ANXA6: variants seen among roughly 807,000 people sequenced by gnomAD.
The protein encoded by ANXA6 is annexin A6.
A neutral mutation model predicts 95.4 loss-of-function variants in ANXA6; 71 were observed. That is an observed-to-expected ratio of 0.74 (90% CI 0.61 to 0.91). The LOEUF (loss-of-function observed/expected upper bound fraction) is 0.91, where lower values mean the gene tolerates loss of function less well. Ranked by LOEUF, ANXA6 falls within the 40% of genes least tolerant of loss-of-function variation. ANXA6 has a pLI of 0.00. For missense variants in ANXA6, 830 were observed against 876.4 expected (o/e 0.95, Z 0.67); for synonymous variants, 289 against 315.9 (o/e 0.91, Z 0.90).
intron 19 of ANXA6, 95 bp downstream of exon 19, chr5:151,117,663 C>A: frequency 9.0e-7 from 1 of 1,108,326 alleles, no homozygotes; most frequent in Non-Finnish European, 1.3e-6. Flanking sequence ...CAGGAGTGCA[C>A]TTCTAACTCC....
intron 2 of ANXA6, among the ~76,000 whole-genome samples, chr5:151,145,980 C>T (rs1201866046): frequency 2.0e-5 from 3 of 152,100 alleles, no homozygotes; most frequent in African/African-American, 7.2e-5. Context: ...CCTGCATGCC[C>T]CAGAGCTCCT....
chr5:151,132,372 C>T (rs1184955615), intron 10 of ANXA6, 104 bp downstream of exon 10: 2 of 887,624 alleles, frequency 2.3e-6, no homozygotes, highest in Non-Finnish European at 1.7e-6. Context: ...TTCTCCTTCC[C>T]AATTCTATAC....
rs1765045404 is a variant in ANXA6, at chr5:151,117,794, A to C, written c.1482T>G (p.Ser494=). 1 of 1,613,740 alleles carries C rather than the reference A, an allele frequency of 6.2e-7. No homozygotes were observed. The highest frequency in any genetic ancestry group is 8.5e-7 in the Non-Finnish European group (1 of 1,179,820). The change falls in exon 19 of 26, where the codon TCT becomes TCG. Residue 494 remains serine (S), a synonymous_variant. Coordinates refer to ENST00000354546, the MANE Select transcript of ANXA6 (RefSeq NM_001155.5). ...SLEDALSSDT[S]GHFRRILISL... ...AAATGAGGATCCTCCTGAAGTGGCCAGATGTGTCTGAGCTCAGAGCATCCT... is the reference window on the plus strand; with the variant it reads ...AAATGAGGATCCTCCTGAAGTGGCCCGATGTGTCTGAGCTCAGAGCATCCT...
intron 7 of ANXA6, among the ~76,000 whole-genome samples, chr5:151,134,871 G>A (rs1045108786): frequency 6.6e-6 from 1 of 152,098 alleles, no homozygotes; most frequent in Non-Finnish European, 1.5e-5. Context: ...GATTCCACAG[G>A]GGCAAAGGAT....
At chr5:151,120,416 C>CAA (rs35091535) in intron 17 of ANXA6, among the ~76,000 whole-genome samples, 1,994 of 131,924 alleles carry the variant, frequency 0.015, 22 homozygotes, top group Middle Eastern at 0.038. Flanking sequence ...GCTACAACTA[C>CAA]AAAAAAAAAA....
At chr5:151,117,720 G>C (rs372671091) in intron 19 of ANXA6, 38 bp downstream of exon 19, 138 of 1,575,778 alleles carry the variant, frequency 8.8e-5, no homozygotes, top group Admixed American at 5.1e-4. Context: ...CAGGCCTCCC[G>C]ATGGGCAAGC....
At chr5:151,126,127 C>A (rs1243390098) in intron 14 of ANXA6, among the ~76,000 whole-genome samples, 2 of 152,190 alleles carry the variant, frequency 1.3e-5, no homozygotes, top group Admixed American at 6.5e-5. Context: ...CCAGACGGGA[C>A]AGGCCCCTCC....
At chr5:151,147,195 A>G (rs1765995728) in intron 2 of ANXA6, among the ~76,000 whole-genome samples, 1 of 152,244 alleles carries the variant, frequency 6.6e-6, no homozygotes, top group Admixed American at 6.5e-5. Context: ...ACAGTCAGAC[A>G]TGAGAGACTG....
At chr5:151,146,498 A>G (rs1013031864) in intron 2 of ANXA6, among the ~76,000 whole-genome samples, 1 of 152,188 alleles carries the variant, frequency 6.6e-6, no homozygotes, top group Non-Finnish European at 1.5e-5. Flanking sequence ...CTATAAGCCC[A>G]GGTTCACTGG....
chr5:151,149,590 G>A lies in ANXA6; in HGVS notation c.-25-1664C>T, dbSNP rs558892619. ...CAACCTCCACCTCCCGGGTTCAAGCGATTCTCCTGCCTCAGCCTCCTGAGT... is the reference window on the plus strand; with the variant it reads ...CAACCTCCACCTCCCGGGTTCAAGCAATTCTCCTGCCTCAGCCTCCTGAGT... On this transcript the variant is annotated intron_variant, in intron 1 of 25. Coordinates refer to ENST00000354546, the MANE Select transcript of ANXA6 (RefSeq NM_001155.5). Among the ~76,000 whole-genome samples, 7 of 152,176 alleles carry A rather than the reference G, an allele frequency of 4.6e-5. No individual in the cohort carries two copies. The South Asian group carries it at 1.0e-3, about 23-fold the overall frequency.
intron 16 of ANXA6, 28 bp from the exon 17 acceptor site, chr5:151,122,288 C>A: frequency 2.2e-6 from 3 of 1,394,094 alleles, no homozygotes; most frequent in African/African-American, 1.4e-5. Context: ...ACAGTCATGC[C>A]AACATCAGCA....
At chr5:151,147,378 G>A (rs566566509) in intron 2 of ANXA6, among the ~76,000 whole-genome samples, 1 of 152,336 alleles carries the variant, frequency 6.6e-6, no homozygotes, top group African/African-American at 2.4e-5. Context: ...CTTGCTCCAA[G>A]AAAGAACAGG....
chr5:151,117,218 A>T, intron 19 of ANXA6, 38 bp from the exon 20 acceptor site: 7 of 1,556,290 alleles, frequency 4.5e-6, no homozygotes, highest in Non-Finnish European at 6.1e-6. Context: ...GTCCCCAAAC[A>T]TCGACCCATC....
intron 2 of ANXA6, among the ~76,000 whole-genome samples, chr5:151,146,022 G>C (rs1765966922): frequency 6.6e-6 from 1 of 152,078 alleles, no homozygotes; most frequent in Non-Finnish European, 1.5e-5. Context: ...GTGCATGGAG[G>C]GTGCCAACTC....
chr5:151,138,060 T>C (rs543671694), intron 5 of ANXA6, among the ~76,000 whole-genome samples: 1 of 152,292 alleles, frequency 6.6e-6, no homozygotes, highest in South Asian at 2.1e-4. Flanking sequence ...GCTAAGTGCA[T>C]CAGTTTATAA....
At position 151,129,528 on chromosome 5, in the gene ANXA6, C is replaced by T; in HGVS notation, c.797G>A (p.Gly266Asp). 1 of 1,600,262 alleles carries T rather than the reference C, an allele frequency of 6.2e-7. No individual in the cohort carries two copies. The highest frequency in any genetic ancestry group is 8.5e-7 in the Non-Finnish European group (1 of 1,173,392). The stretch of plus-strand genomic sequence containing the variant: ...CAGGGTGTTGTCCCGAGTCCCCAGG[C>T]CCTGCAAGACAAGTGGGTTTGGGGA... ...FAERLFKAMK[G>D]LGTRDNTLIR... The change falls in exon 12 of 26, where the codon GGC becomes GAC. Residue 266 changes from glycine (G) to aspartate (D), a missense_variant and splice_region_variant. By Grantham distance (94) the Gly-to-Asp change is moderately conservative (BLOSUM62 -1). Coordinates refer to ENST00000354546, the MANE Select transcript of ANXA6 (RefSeq NM_001155.5).
rs144450532 is a variant in ANXA6 at position 151,107,696 on chromosome 5, T to A, written c.1780+759A>T. ...AACAAGATACCACTAATGATGAATA[T>A]TAATGAGAATAACTTCAGCCCTAAC... On this transcript the variant is annotated intron_variant, in intron 23 of 25. Transcript: ENST00000354546. Among the ~76,000 whole-genome samples, 16 of 152,344 alleles carry A rather than the reference T, an allele frequency of 1.1e-4. No individual in the cohort carries two copies. In the East Asian group the frequency reaches 3.1e-3, roughly 29 times the overall value.
At chr5:151,135,560 C>G (rs1248149277) in intron 7 of ANXA6, among the ~76,000 whole-genome samples, 2 of 152,218 alleles carry the variant, frequency 1.3e-5, no homozygotes, top group Admixed American at 1.3e-4. Flanking sequence ...TGAGACATCT[C>G]AATGCCTGTT....
chr5:151,132,604 A>T (rs1765546842), intron 9 of ANXA6, 33 bp from the exon 10 acceptor site: 2 of 1,579,728 alleles, frequency 1.3e-6, no homozygotes, highest in East Asian at 4.5e-5. Flanking sequence ...GAGGTTTGAG[A>T]GTGCCTCTGT....
Sources: allele counts gnomAD v4.1 joint callset (sites outside exome capture counted in the v4.1 genomes callset), GRCh38; gene constraint gnomAD v4.1.1; transcripts MANE v1.5; gene names NCBI Gene and HGNC (gene_info 2026-07-23, HGNC 2026-07-21).